Variants in SLC44A1 observed in about 807,000 individuals in gnomAD.
SLC44A1 encodes solute carrier family 44 member 1.
A neutral mutation model predicts 79.3 loss-of-function variants in SLC44A1; 26 were observed. The ratio of observed to expected loss-of-function variants is 0.33; its 90% confidence interval spans 0.24 to 0.46. SLC44A1 has a LOEUF of 0.46. SLC44A1 is among the 20% of genes least tolerant of loss of function. The pLI is 1.00. For missense variants in SLC44A1, 688 were observed against 798.1 expected, an observed-to-expected ratio of 0.86 and a Z score of 1.66; for synonymous variants, 263 against 286.2, an observed-to-expected ratio of 0.92 and a Z score of 0.82.
chr9:105,264,314 C>T (rs908470679), intron 1 of SLC44A1, among the ~76,000 whole-genome samples: 1 of 152,158 alleles, frequency 6.6e-6, no homozygotes, highest in Admixed American at 6.5e-5. Context: ...CAGATTTGCA[C>T]CACCACGCCT....
At chr9:105,245,674 G>A (rs143672310) in intron 1 of SLC44A1, among the ~76,000 whole-genome samples, 345 of 152,366 alleles carry the variant, frequency 2.3e-3, no homozygotes, top group African/African-American at 7.3e-3. Flanking sequence ...GTAACAGGAG[G>A]AAGAGGTTCC....
At chr9:105,365,799 C>G (rs1827922844) in intron 11 of SLC44A1, among the ~76,000 whole-genome samples, 160 bp downstream of exon 11, 1 of 152,192 alleles carries the variant, frequency 6.6e-6, no homozygotes, top group Admixed American at 6.5e-5. Context: ...CACTCATGCA[C>G]TCCATATGCT....
chr9:105,308,892 A>G (rs945012966), intron 2 of SLC44A1, among the ~76,000 whole-genome samples: 1 of 152,222 alleles, frequency 6.6e-6, no homozygotes, highest in African/African-American at 2.4e-5. Flanking sequence ...GCTTGCTGTC[A>G]AGCGTAGGCT....
chr9:105,425,163 A>G (rs947987558), intron 15 of SLC44A1, among the ~76,000 whole-genome samples: 2 of 152,190 alleles, frequency 1.3e-5, no homozygotes, highest in Admixed American at 6.5e-5. Context: ...ATCATGTACA[A>G]CATTCTATGT....
In SLC44A1 at chr9:105,394,030, T is replaced by A. The variant is rs1828822203; in HGVS notation, c.*4974T>A. The A allele has an allele frequency of 1.0e-6, 1 of 985,046 alleles. No individual in the cohort carries two copies. The highest frequency in any genetic ancestry group is 1.2e-6 in the Non-Finnish European group (1 of 829,666). The allele number at this position is 985,046 out of a possible 1,614,324, so 61.0% of individuals were successfully genotyped here. Reference sequence around the variant, plus strand: ...AAGAGACAATGGGTCTCTTTGAGCTTAAGAAAGCTATGGACTATCTTTCCT... The same window carrying A: ...AAGAGACAATGGGTCTCTTTGAGCTAAAGAAAGCTATGGACTATCTTTCCT... On this transcript the variant is annotated 3_prime_UTR_variant, in exon 16 of 16. Coordinates refer to ENST00000374720, the MANE Select transcript of SLC44A1 (RefSeq NM_080546.5).
At chr9:105,407,172 C>A (rs190212220) in intron 15 of SLC44A1, among the ~76,000 whole-genome samples, 2 of 151,804 alleles carry the variant, frequency 1.3e-5, no homozygotes, top group Admixed American at 1.3e-4. Flanking sequence ...GAATGGGAGT[C>A]CCAGAAAGAG....
chr9:105,374,676 A>G lies in SLC44A1; in HGVS notation c.1573A>G (p.Asn525Asp). ...AKDAFVILVE[N>D]ALRVATINTV... Reference sequence around the variant, plus strand: ...GGATGCCTTTGTCATTCTGGTGGAGAATGCTTTGCGAGTGGCTACCATCAA... The same window carrying G: ...GGATGCCTTTGTCATTCTGGTGGAGGATGCTTTGCGAGTGGCTACCATCAA... The change falls in exon 13 of 16, where the codon AAT becomes GAT. Residue 525 changes from asparagine (N) to aspartate (D), a missense_variant. Asn to Asp is a conservative substitution (Grantham distance 23, BLOSUM62 1). Transcript: ENST00000374720. The G allele has an allele frequency of 2.5e-6, 4 of 1,613,790 alleles. No individual in the cohort carries two copies. The highest frequency in any genetic ancestry group is 3.4e-6 in the Non-Finnish European group (4 of 1,179,686).
In SLC44A1 at chr9:105,361,914, G is replaced by A. The variant is rs578216670; in HGVS notation, c.900+584G>A. Among the ~76,000 whole-genome samples, 3 of 152,284 alleles carry A rather than the reference G, an allele frequency of 2.0e-5. No homozygotes were observed. The South Asian group carries it at 6.2e-4, about 32-fold the overall frequency. ...CAAAAAATTAAAATCAGCTGAGCATGCTGGTGTGCACCTGTGGTCCCAGCT... is the reference window on the plus strand; with the variant it reads ...CAAAAAATTAAAATCAGCTGAGCATACTGGTGTGCACCTGTGGTCCCAGCT... On this transcript the variant is annotated intron_variant, in intron 8 of 15. Coordinates refer to ENST00000374720, the MANE Select transcript of SLC44A1 (RefSeq NM_080546.5).
chr9:105,394,958 C>T lies in SLC44A1; in HGVS notation c.*5902C>T. On this transcript the variant is annotated 3_prime_UTR_variant, in exon 16 of 16. Coordinates refer to ENST00000374720, the MANE Select transcript of SLC44A1 (RefSeq NM_080546.5). ...AAGCATGTGGATTTCTTCACATCTG[C>T]ACCTTACTATTAGGTAAGGGTGCTG... The T allele has an allele frequency of 2.0e-6, 2 of 985,408 alleles. No homozygotes were observed. Among genetic ancestry groups the T allele is most frequent in the Non-Finnish European group, 2.4e-6 (2 of 829,948 alleles). 61.0% of individuals were successfully genotyped at this position (985,408 alleles called of 1,614,324 possible).
At chr9:105,248,171 A>T (rs1829502715) in intron 1 of SLC44A1, among the ~76,000 whole-genome samples, 1 of 152,238 alleles carries the variant, frequency 6.6e-6, no homozygotes, top group Admixed American at 6.5e-5. Context: ...CAGCAACTTT[A>T]AAGCTCTGGC....
rs775846959 is a variant in SLC44A1 at position 105,299,261 on chromosome 9, C to T, written c.78C>T (p.Cys26=). 6 of 1,595,666 alleles carry T rather than the reference C, an allele frequency of 3.8e-6. No individual in the cohort carries two copies. Among genetic ancestry groups the T allele is most frequent in the East Asian group, 4.6e-5 (2 of 43,898 alleles). The change falls in exon 2 of 16, where the codon TGC becomes TGT. Residue 26 remains cysteine, a synonymous_variant. Coordinates refer to ENST00000374720, the MANE Select transcript of SLC44A1 (RefSeq NM_080546.5). ...GGAAGCCGCTGGAGGACCGTAGCTG[C>T]ACAGACATACCATGGCTGCTGCTCT... The part of the protein sequence containing the change: ...REWKPLEDRS[C]TDIPWLLLFI...
In SLC44A1 at chr9:105,351,628, GAAAGAGAAAGAAAGAAAGAAAGAAAGAA is replaced by G. The variant is rs1564452944; in HGVS notation, c.500+3179_500+3206del. Among the ~76,000 whole-genome samples, 287 of 43,994 alleles carry G rather than the reference GAAAGAGAAAGAAAGAAAGAAAGAAAGAA, an allele frequency of 6.5e-3. 3 individuals carry two copies. Among genetic ancestry groups the G allele is most frequent in the African/African-American group, 0.019 (283 of 14,540 alleles). 28.9% of individuals were successfully genotyped at this position (43,994 alleles called of 152,430 possible). A position where few individuals can be genotyped will look rare whatever the true frequency, so the allele number is the denominator to read the frequency against. ...AAAGAAAGAAAGAAAGAAAGAGAGA[GAAAGAGAAAGAAAGAAAGAAAGAAAGAA>G]AGAAAGAAAGAAAGAAAGAACCAAG... On this transcript the variant is annotated intron_variant, in intron 5 of 15. Coordinates refer to ENST00000374720, the MANE Select transcript of SLC44A1 (RefSeq NM_080546.5).
Position 105,392,356 on chromosome 9 carries a change from A to G in SLC44A1, c.*3300A>G, listed in dbSNP as rs1828779569. On this transcript the variant is annotated 3_prime_UTR_variant, in exon 16 of 16. Coordinates refer to ENST00000374720, the MANE Select transcript of SLC44A1 (RefSeq NM_080546.5). ...CACTTACTGAGTTTATTTTAAAGTT[A>G]TGCTAGAAATGTTTTTCTTTTGTAG... 3 of 974,414 alleles carry G rather than the reference A, an allele frequency of 3.1e-6. No individual in the cohort carries two copies. The South Asian group carries it at 1.4e-4, about 47-fold the overall frequency. 60.4% of individuals were successfully genotyped at this position (974,414 alleles called of 1,614,324 possible).
At chr9:105,432,293 C>T (rs1337772105) in intron 15 of SLC44A1, among the ~76,000 whole-genome samples, 1 of 152,102 alleles carries the variant, frequency 6.6e-6, no homozygotes, top group Non-Finnish European at 1.5e-5. Flanking sequence ...GATTTATAGC[C>T]CTTCTCTTTG....
chr9:105,329,108 A>G (rs114848410), intron 3 of SLC44A1, among the ~76,000 whole-genome samples: 2 of 152,092 alleles, frequency 1.3e-5, no homozygotes, highest in African/African-American at 4.8e-5. Flanking sequence ...TCTGTAGCCT[A>G]TGTTTAGCAA....
At chr9:105,411,258 A>G (rs1214987570) in intron 15 of SLC44A1, among the ~76,000 whole-genome samples, 2 of 152,172 alleles carry the variant, frequency 1.3e-5, no homozygotes, top group African/African-American at 2.4e-5. Flanking sequence ...AAGAATTTTT[A>G]TATATACCCT....
At chr9:105,245,997 GA>G (rs1347989875) in intron 1 of SLC44A1, among the ~76,000 whole-genome samples, 1 of 152,224 alleles carries the variant, frequency 6.6e-6, no homozygotes, top group Non-Finnish European at 1.5e-5. Flanking sequence ...GGTGGTGTAT[GA>G]AAAATAGGCT....
intron 2 of SLC44A1, among the ~76,000 whole-genome samples, chr9:105,300,214 G>T (rs1830841547): frequency 6.6e-6 from 1 of 152,154 alleles, no homozygotes; most frequent in South Asian, 2.1e-4. Context: ...GCTGAGAACA[G>T]AGCCCAGGTC....
At chr9:105,405,799 A>G (rs1424185332) in intron 15 of SLC44A1, among the ~76,000 whole-genome samples, 1 of 152,188 alleles carries the variant, frequency 6.6e-6, no homozygotes, top group Non-Finnish European at 1.5e-5. Context: ...AAAGGCTTAT[A>G]TACTAGCTGC....
Sources: allele counts gnomAD v4.1 joint callset (sites outside exome capture counted in the v4.1 genomes callset), GRCh38; gene constraint gnomAD v4.1.1; transcripts MANE v1.5; gene names NCBI Gene and HGNC (gene_info 2026-07-23, HGNC 2026-07-21).